The following ALDH2 variants were observed in gnomAD, a reference collection of about 807,000 sequenced individuals.
ALDH2 encodes aldehyde dehydrogenase, mitochondrial.
In ALDH2, 44 loss-of-function variants were observed where a neutral mutation model predicts 59.6. The ratio of observed to expected loss-of-function variants is 0.74; its 90% CI spans 0.58 to 0.95. The LOEUF is 0.95. Among genes scored for constraint, ALDH2 ranks in the 40% least tolerant of loss-of-function variants. The pLI, the probability that ALDH2 is intolerant of heterozygous loss-of-function variation, is 0.00. For synonymous variants in ALDH2, 291 were observed against 284.0 expected (o/e 1.02, Z -0.25); for missense variants, 570 against 696.3 (o/e 0.82, Z 2.04).
chr12:111,806,242 A>G (rs1333963012), intron 12 of ALDH2, among the ~76,000 whole-genome samples: 1 of 144,960 alleles, frequency 6.9e-6, no homozygotes, highest in African/African-American at 2.6e-5. Flanking sequence ...GCGTGAACCC[A>G]GTGGGTGGAG....
intron 3 of ALDH2, among the ~76,000 whole-genome samples, chr12:111,784,322 A>G (rs975843580): frequency 5.3e-5 from 8 of 152,152 alleles, no homozygotes; most frequent in African/African-American, 1.9e-4. Flanking sequence ...TCAAAAAAAA[A>G]ATGACCCAGC....
At chr12:111,779,579 C>G (rs1038216669) in intron 1 of ALDH2, among the ~76,000 whole-genome samples, 3 of 152,342 alleles carry the variant, frequency 2.0e-5, no homozygotes. Context: ...GCTCGGTATT[C>G]TTTATGGTCC....
At chr12:111,792,852 C>T in intron 9 of ALDH2, 70 bp downstream of exon 9, 2 of 1,476,614 alleles carry the variant, frequency 1.4e-6, no homozygotes, top group Admixed American at 2.1e-5. Context: ...GCATCGGGCT[C>T]AGATCAGTTG....
At chr12:111,769,499 C>T (rs1044583402) in intron 1 of ALDH2, among the ~76,000 whole-genome samples, 1 of 151,898 alleles carries the variant, frequency 6.6e-6, no homozygotes, top group Non-Finnish European at 1.5e-5. Context: ...GGGTGTGTCT[C>T]TTGTAGACAT....
At chr12:111,804,393 A>G (rs1336175091) in intron 12 of ALDH2, among the ~76,000 whole-genome samples, 1 of 152,152 alleles carries the variant, frequency 6.6e-6, no homozygotes, top group African/African-American at 2.4e-5. Context: ...GAGAGACTTC[A>G]GGGGGCGGAG....
rs1421685556 is a variant in ALDH2, at chr12:111,789,912, G to T, written c.530G>T (p.Gly177Val). The change falls in exon 5 of 13, where the codon GGG (glycine) becomes GTG (valine). Residue 177 changes from glycine (G) to valine (V), a missense_variant. Transcript: ENST00000261733. The part of the protein sequence containing the change: ...FFSYTRHEPV[G>V]VCGQIIPWNF... Reference sequence around the variant, plus strand: ...AGCTACACACGCCATGAACCTGTGGGGGTGTGCGGGCAGATCATTCCGGTG... The same window carrying T: ...AGCTACACACGCCATGAACCTGTGGTGGTGTGCGGGCAGATCATTCCGGTG... 6.2e-7 allele frequency: 1 copy of T among 1,614,170 alleles called. No homozygotes were observed. Among genetic ancestry groups the T allele is most frequent in the Admixed American group, 1.7e-5 (1 of 60,012 alleles).
chr12:111,775,883 C>A (rs186749217), intron 1 of ALDH2, among the ~76,000 whole-genome samples: 1 of 152,362 alleles, frequency 6.6e-6, no homozygotes, highest in Admixed American at 6.5e-5. Flanking sequence ...GGAGGGAAGC[C>A]ACTGAGTCTG....
chr12:111,771,558 A>G (rs566032412), intron 1 of ALDH2, among the ~76,000 whole-genome samples: 1 of 152,354 alleles, frequency 6.6e-6, no homozygotes, highest in South Asian at 2.1e-4. Flanking sequence ...CTCAACCTGT[A>G]CAAATAATGT....
At chr12:111,799,828 A>C in intron 10 of ALDH2, 78 bp from the exon 11 acceptor site, 18 of 1,504,968 alleles carry the variant, frequency 1.2e-5, no homozygotes, top group Non-Finnish European at 1.6e-5. Flanking sequence ...ATCTGGAATC[A>C]TCTGTTCTGC....
chr12:111,794,297 C>T (rs1339792061), intron 9 of ALDH2, among the ~76,000 whole-genome samples: 4 of 152,010 alleles, frequency 2.6e-5, no homozygotes, highest in African/African-American at 9.7e-5. Flanking sequence ...GGATTACAGG[C>T]GTGAGCCATT....
At position 111,781,838 on chromosome 12, in the gene ALDH2, T is replaced by G. The variant is rs2068274065; in HGVS notation, c.115-80T>G. On this transcript the variant is annotated intron_variant, in intron 1 of 12. Transcript: ENST00000261733. ...ATTAATTCATATTTGCTTTTTCTTG[T>G]TTTTTTTTTTCCTTACAATACTGGT... 8 of 688,692 alleles carry G rather than the reference T, an allele frequency of 1.2e-5. No homozygotes were observed. In the South Asian group the frequency reaches 1.3e-4, roughly 11 times the overall value. 42.7% of individuals were successfully genotyped at this position (688,692 alleles called of 1,614,324 possible). A position where few individuals can be genotyped will look rare whatever the true frequency, so the allele number is the denominator to read the frequency against.
chr12:111,793,444 G>A (rs747454029), intron 9 of ALDH2, among the ~76,000 whole-genome samples: 2 of 151,994 alleles, frequency 1.3e-5, no homozygotes, highest in African/African-American at 4.8e-5. Context: ...CGTACAGAGG[G>A]TGCCCATATA....
At chr12:111,789,628 T>C (rs1048292893) in intron 4 of ALDH2, among the ~76,000 whole-genome samples, 195 bp from the exon 5 acceptor site, 1 of 152,320 alleles carries the variant, frequency 6.6e-6, no homozygotes, top group Non-Finnish European at 1.5e-5. Context: ...CAGGCGATTC[T>C]GAGGCTTGGG....
At chr12:111,796,811 G>A (rs917637380) in intron 9 of ALDH2, among the ~76,000 whole-genome samples, 1 of 152,084 alleles carries the variant, frequency 6.6e-6, no homozygotes, top group Admixed American at 6.6e-5. Context: ...AGACTGAGAT[G>A]AGAAGATACC....
At chr12:111,799,197 A>G (rs1190197946) in intron 10 of ALDH2, among the ~76,000 whole-genome samples, 3 of 145,672 alleles carry the variant, frequency 2.1e-5, no homozygotes, top group Non-Finnish European at 4.5e-5. Context: ...ATGGAGTCTC[A>G]CTCTGTCGCC....
rs1207755673 is a variant in ALDH2, at chr12:111,812,294, A to G, written c.*2719A>G. 1 of 152,138 alleles carries G rather than the reference A, an allele frequency of 6.6e-6. No individual in the cohort carries two copies. The highest frequency in any genetic ancestry group is 2.4e-5 in the African/African-American group (1 of 41,422). The allele number at this position is 152,138 out of a possible 1,614,324, so 9.4% of individuals were successfully genotyped here. ...TAATGATTAATGATATTCATATATA[A>G]TCATGTCTGTGATCTAGATCTAGTA... On this transcript the variant is annotated 3_prime_UTR_variant, in exon 13 of 13. Transcript: ENST00000261733.
chr12:111,774,553 A>G (rs1025795337), intron 1 of ALDH2, among the ~76,000 whole-genome samples: 1 of 152,148 alleles, frequency 6.6e-6, no homozygotes, highest in African/African-American at 2.4e-5. Context: ...TCATGCATCA[A>G]AGCTTGAACT....
chr12:111,781,222 A>C (rs1482222631), intron 1 of ALDH2, among the ~76,000 whole-genome samples: 1 of 152,148 alleles, frequency 6.6e-6, no homozygotes, highest in Non-Finnish European at 1.5e-5. Flanking sequence ...CCTTCTAGGG[A>C]GAAGGGGAGG....
At chr12:111,792,216 T>G in intron 8 of ALDH2, 53 bp downstream of exon 8, 3 of 1,364,542 alleles carry the variant, frequency 2.2e-6, no homozygotes, top group Non-Finnish European at 3.1e-6. Flanking sequence ...TGGCCACCTG[T>G]GTTGTGGCTC....
Sources: gnomAD v4.1 joint callset for allele counts (sites outside exome capture counted in the v4.1 genomes callset) on GRCh38, gnomAD v4.1.1 for gene constraint, MANE v1.5 for transcripts, NCBI Gene and HGNC (gene_info 2026-07-23, HGNC 2026-07-21) for gene names.